The following FSTL4 variants were observed in gnomAD, a reference collection of about 807,000 sequenced individuals.
The protein encoded by FSTL4 is follistatin like 4, also known as follistatin-related protein 4.
Under a neutral mutation model 78.2 loss-of-function variants are expected in FSTL4, and 28 were observed. That is an observed-to-expected ratio of 0.36 (90% CI 0.27 to 0.49). The LOEUF (loss-of-function observed/expected upper bound fraction) is 0.49. FSTL4 is among the 20% of genes least tolerant of loss of function. The pLI, the probability that FSTL4 is intolerant of heterozygous loss-of-function variation, is 0.98. For synonymous variants in FSTL4, 422 were observed against 440.5 expected (o/e 0.96, Z 0.53); for missense variants, 922 against 1,084.9 (o/e 0.85, Z 2.11).
At chr5:133,269,883 A>G (rs1393885614) in intron 6 of FSTL4, among the ~76,000 whole-genome samples, 1 of 152,178 alleles carries the variant, frequency 6.6e-6, no homozygotes, top group African/African-American at 2.4e-5. Flanking sequence ...GGAGGTCTCA[A>G]ATTTGACGGC....
intron 8 of FSTL4, among the ~76,000 whole-genome samples, chr5:133,228,152 G>A (rs554152001): frequency 2.5e-4 from 38 of 152,246 alleles, no homozygotes; most frequent in Admixed American, 3.9e-4. Flanking sequence ...CCTTGAGCCC[G>A]GAAGGTTGAG....
chr5:133,833,123 C>T, the FSTL4 span, among the ~76,000 whole-genome samples: 5 of 152,356 alleles, frequency 3.3e-5, no homozygotes, highest in South Asian at 8.3e-4. Context: ...GCTGAGACAG[C>T]TCTGTCATCG....
the FSTL4 span, among the ~76,000 whole-genome samples, chr5:133,770,832 T>C: frequency 9.9e-5 from 15 of 152,092 alleles, no homozygotes; most frequent in Admixed American, 6.6e-5. Flanking sequence ...TTTTCATAGG[T>C]TTTCTTCTAG....
chr5:133,669,493 G>T, the FSTL4 span, among the ~76,000 whole-genome samples: 1 of 152,214 alleles, frequency 6.6e-6, no homozygotes, highest in Admixed American at 6.5e-5. Context: ...AGCCAGGGAG[G>T]TGTCTTGCCA....
chr5:133,264,647 T>C (rs6876130), intron 6 of FSTL4, among the ~76,000 whole-genome samples: 13,856 of 152,266 alleles, frequency 0.091, 1,950 homozygotes, highest in African/African-American at 0.3. Flanking sequence ...TTTTAAAGTA[T>C]TGGGATGCGA....
chr5:133,441,342 C>G (rs1757156004), intron 3 of FSTL4, among the ~76,000 whole-genome samples: 1 of 152,164 alleles, frequency 6.6e-6, no homozygotes, highest in Admixed American at 6.5e-5. Flanking sequence ...TGTGCACTGA[C>G]CAGACATGCC....
intron 6 of FSTL4, among the ~76,000 whole-genome samples, chr5:133,288,980 CTGCAGCCTGGGCTCAGAGG>C (rs2126866656): frequency 6.6e-6 from 1 of 152,342 alleles, no homozygotes; most frequent in African/African-American, 2.4e-5. Flanking sequence ...CCTCCCGTCT[CTGCAGCCTGGGCTCAGAGG>C]CACAGCCTGG....
the FSTL4 span, among the ~76,000 whole-genome samples, chr5:133,681,262 G>C: frequency 6.6e-6 from 1 of 152,224 alleles, no homozygotes; most frequent in African/African-American, 2.4e-5. Context: ...CTTTCTCTGA[G>C]CTCCCCCTAA....
At chr5:133,782,888 C>G in the FSTL4 span, among the ~76,000 whole-genome samples, 1 of 152,188 alleles carries the variant, frequency 6.6e-6, no homozygotes, top group Admixed American at 6.5e-5. Flanking sequence ...GGAATCAGAA[C>G]CTCACGCTGC....
chr5:133,507,145 T>C (rs1022336902), intron 3 of FSTL4, among the ~76,000 whole-genome samples: 1 of 152,098 alleles, frequency 6.6e-6, no homozygotes, highest in African/African-American at 2.4e-5. Flanking sequence ...GAGGCAGAGA[T>C]TGCAGTGAGC....
chr5:133,488,781 A>G (rs1202040222), intron 3 of FSTL4, among the ~76,000 whole-genome samples: 6 of 152,140 alleles, frequency 3.9e-5, no homozygotes, highest in African/African-American at 1.4e-4. Context: ...TTGGCTGCAA[A>G]TGAGCCATGA....
chr5:133,410,976 G>A (rs975649870), intron 3 of FSTL4, among the ~76,000 whole-genome samples: 3 of 152,170 alleles, frequency 2.0e-5, no homozygotes, highest in African/African-American at 7.2e-5. Context: ...TCTGACAGGT[G>A]GGCCTGAGGG....
chr5:133,226,856 T>G (rs1020065318), intron 8 of FSTL4, among the ~76,000 whole-genome samples: 6 of 152,154 alleles, frequency 3.9e-5, no homozygotes, highest in African/African-American at 1.4e-4. Context: ...TTGGTACTTA[T>G]GTACAAAAGG....
intron 12 of FSTL4, among the ~76,000 whole-genome samples, chr5:133,220,461 A>C (rs1360536938): frequency 6.6e-6 from 1 of 152,226 alleles, no homozygotes; most frequent in African/African-American, 2.4e-5. Flanking sequence ...GTCTGTTCAC[A>C]TTGCTGTCTC....
intron 3 of FSTL4, among the ~76,000 whole-genome samples, chr5:133,539,974 A>G (rs996193790): frequency 1.3e-5 from 2 of 150,682 alleles, no homozygotes; most frequent in African/African-American, 4.9e-5. Context: ...TTGATGAGGT[A>G]AACATTTTAA....
chr5:133,801,881 C>T, the FSTL4 span, among the ~76,000 whole-genome samples: 1 of 152,206 alleles, frequency 6.6e-6, no homozygotes, highest in South Asian at 2.1e-4. Flanking sequence ...AGCCAGCAGC[C>T]CTGTGCTCTC....
chr5:133,812,933 C>T, the FSTL4 span, among the ~76,000 whole-genome samples: 1 of 152,160 alleles, frequency 6.6e-6, no homozygotes, highest in Admixed American at 6.5e-5. Context: ...CTGCTCTGAA[C>T]GAAGAAAAAA....
chr5:133,719,510 A>G, the FSTL4 span, among the ~76,000 whole-genome samples: 1 of 151,904 alleles, frequency 6.6e-6, no homozygotes, highest in Non-Finnish European at 1.5e-5. Flanking sequence ...TCTCTACTAA[A>G]AATACAAAAA....
chr5:133,688,575 C>T, the FSTL4 span, among the ~76,000 whole-genome samples: 1 of 152,204 alleles, frequency 6.6e-6, no homozygotes, highest in East Asian at 1.9e-4. Context: ...CAGTCCTTGT[C>T]CTCCACTGTT....
Sources: allele counts gnomAD v4.1 joint callset (sites outside exome capture counted in the v4.1 genomes callset), GRCh38; gene constraint gnomAD v4.1.1; transcripts MANE v1.5; gene names NCBI Gene and HGNC (gene_info 2026-07-23, HGNC 2026-07-21).